The following RAB18 variants were observed in gnomAD, a reference collection of about 807,000 sequenced individuals.
RAB18 encodes the protein RAB18, member RAS oncogene family.
Under a neutral mutation model 28.5 loss-of-function variants are expected in RAB18, and 10 were observed. That is an observed-to-expected ratio of 0.35 (90% CI 0.22 to 0.60). RAB18 has a LOEUF of 0.60. RAB18 is among the 20% of genes least tolerant of loss of function. RAB18 has a pLI of 0.78. For synonymous variants in RAB18, 93 were observed against 86.9 expected, an observed-to-expected ratio of 1.07 and a Z score of -0.39; for missense variants, 188 against 244.2, an observed-to-expected ratio of 0.77 and a Z score of 1.53.
At chr10:27,512,810 A>G (rs1325300946) in intron 2 of RAB18, among the ~76,000 whole-genome samples, 2 of 151,928 alleles carry the variant, frequency 1.3e-5, no homozygotes, top group African/African-American at 4.8e-5. Flanking sequence ...ACCCAAATGG[A>G]ATTTGGGGAC....
At chr10:27,506,468 G>A (rs1024077939) in intron 1 of RAB18, among the ~76,000 whole-genome samples, 2 of 152,136 alleles carry the variant, frequency 1.3e-5, no homozygotes, top group Non-Finnish European at 2.9e-5. Flanking sequence ...CTATAGGCAC[G>A]AGTCACCATG....
intron 1 of RAB18, 132 bp from the exon 2 acceptor site, chr10:27,509,743 A>G: frequency 1.3e-6 from 1 of 750,116 alleles, no homozygotes; most frequent in Non-Finnish European, 2.3e-6. Flanking sequence ...CTGAGGCAGT[A>G]TTCCTAGGAA....
intron 2 of RAB18, chr10:27,514,236 A>G (rs893389922): frequency 6.6e-6 from 1 of 152,256 alleles, no homozygotes; most frequent in Non-Finnish European, 1.5e-5. Flanking sequence ...GAAGAAAGAA[A>G]CAGAAAAACA....
At chr10:27,517,878 C>T (rs1368021124) in intron 2 of RAB18, among the ~76,000 whole-genome samples, 1 of 152,176 alleles carries the variant, frequency 6.6e-6, no homozygotes, top group Non-Finnish European at 1.5e-5. Context: ...TGCCTCTAAC[C>T]TCAGCAGCCA....
At position 27,539,667 on chromosome 10, in the gene RAB18, T is replaced by C. The variant is rs1834981465; in HGVS notation, c.*1616T>C. On this transcript the variant is annotated 3_prime_UTR_variant, in exon 7 of 7. Coordinates refer to ENST00000356940, the MANE Select transcript of RAB18 (RefSeq NM_021252.5). ...TATTGACAAGACTGTTGTTTTTTGCTCCTTGAGCTATATAATAATCTGTGT... is the reference window on the plus strand; with the variant it reads ...TATTGACAAGACTGTTGTTTTTTGCCCCTTGAGCTATATAATAATCTGTGT... 4.4e-6 allele frequency: 2 copies of C among 453,452 alleles called. No individual in the cohort carries two copies. Among genetic ancestry groups the C allele is most frequent in the African/African-American group, 2.0e-5 (1 of 49,978 alleles). The allele number at this position is 453,452 out of a possible 1,614,324, so 28.1% of individuals were successfully genotyped here. A position where few individuals can be genotyped will look rare whatever the true frequency, so the allele number is the denominator to read the frequency against.
chr10:27,531,632 G>T (rs1428082884), intron 3 of RAB18: 1 of 773,354 alleles, frequency 1.3e-6, no homozygotes, highest in Non-Finnish European at 2.3e-6. Context: ...AAATAGGCCT[G>T]CTGTGTTTCA....
chr10:27,507,942 C>G (rs1055393590), intron 1 of RAB18, among the ~76,000 whole-genome samples: 1 of 150,274 alleles, frequency 6.7e-6, no homozygotes, highest in Non-Finnish European at 1.5e-5. Flanking sequence ...ACTTGGGGGG[C>G]TAAGGTGGGA....
In RAB18 at chr10:27,540,873, C is replaced by G. The variant is rs1045916473; in HGVS notation, c.*2822C>G. 1 of 453,944 alleles carries G rather than the reference C, an allele frequency of 2.2e-6. No homozygotes were observed. Among genetic ancestry groups the G allele is most frequent in the Non-Finnish European group, 4.4e-6 (1 of 226,786 alleles). 28.1% of individuals were successfully genotyped at this position (453,944 alleles called of 1,614,324 possible). A position where few individuals can be genotyped will look rare whatever the true frequency, so the allele number is the denominator to read the frequency against. ...CATGGTCAAGAGACATGATTCTCTACTAAGGGTGGGGCTAGCACCATAGCT... is the reference window on the plus strand; with the variant it reads ...CATGGTCAAGAGACATGATTCTCTAGTAAGGGTGGGGCTAGCACCATAGCT... On this transcript the variant is annotated 3_prime_UTR_variant, in exon 7 of 7. Coordinates refer to ENST00000356940, the MANE Select transcript of RAB18 (RefSeq NM_021252.5).
intron 3 of RAB18, 97 bp from the exon 4 acceptor site, chr10:27,532,410 C>A: frequency 1.1e-6 from 1 of 881,074 alleles, no homozygotes; most frequent in Non-Finnish European, 1.8e-6. Flanking sequence ...TGCATTAATA[C>A]TATTTTTAGT....
chr10:27,530,183 A>T (rs896926667), intron 3 of RAB18, among the ~76,000 whole-genome samples: 7 of 152,012 alleles, frequency 4.6e-5, no homozygotes, highest in Non-Finnish European at 8.8e-5. Flanking sequence ...CAAATAGAAT[A>T]AACTTTCTTC....
At chr10:27,530,528 T>G (rs1408011629) in intron 3 of RAB18, among the ~76,000 whole-genome samples, 1 of 151,854 alleles carries the variant, frequency 6.6e-6, no homozygotes, top group Non-Finnish European at 1.5e-5. Flanking sequence ...ACTGAATAAT[T>G]TGAATATTAC....
chr10:27,532,550 A>G lies in RAB18; in HGVS notation c.230A>G (p.Tyr77Cys), dbSNP rs763362656. 3 of 1,604,326 alleles carry G rather than the reference A, an allele frequency of 1.9e-6. No homozygotes were observed. The highest frequency in any genetic ancestry group is 1.1e-5 in the South Asian group (1 of 90,798). ...QERFRTLTPS[Y>C]YRGAQGVILV... ...AGGTTTAGAACATTAACTCCCAGCT[A>G]TTATAGAGGTGCACAGGGTGTTATA... The change falls in exon 4 of 7, where the codon TAT becomes TGT. Residue 77 changes from tyrosine (Y) to cysteine (C), a missense_variant. Physicochemically the swap from Tyr to Cys is radical, Grantham distance 194. Coordinates refer to ENST00000356940, the MANE Select transcript of RAB18 (RefSeq NM_021252.5).
At chr10:27,512,554 C>G (rs1048320106) in intron 2 of RAB18, among the ~76,000 whole-genome samples, 1 of 152,130 alleles carries the variant, frequency 6.6e-6, no homozygotes, top group Non-Finnish European at 1.5e-5. Context: ...ATCCACCCAC[C>G]TTGGGCCTCC....
At chr10:27,519,135 G>A (rs1369371590) in intron 2 of RAB18, among the ~76,000 whole-genome samples, 1 of 151,004 alleles carries the variant, frequency 6.6e-6, no homozygotes, top group Non-Finnish European at 1.5e-5. Flanking sequence ...CATAGGAAAA[G>A]TTGGTTTAAC....
At chr10:27,506,226 T>G in intron 1 of RAB18, among the ~76,000 whole-genome samples, 1 of 152,208 alleles carries the variant, frequency 6.6e-6, no homozygotes, top group Non-Finnish European at 1.5e-5. Context: ...CATGGTTGGT[T>G]AGCACTTTTT....
chr10:27,508,738 A>G (rs1834259567), intron 1 of RAB18, among the ~76,000 whole-genome samples: 2 of 152,212 alleles, frequency 1.3e-5, no homozygotes, highest in Admixed American at 1.3e-4. Context: ...ATATTTAATG[A>G]CACTGGGTTT....
chr10:27,515,454 A>G (rs1230515593), intron 2 of RAB18, among the ~76,000 whole-genome samples: 2 of 152,204 alleles, frequency 1.3e-5, no homozygotes, highest in African/African-American at 4.8e-5. Context: ...AATCTATTTT[A>G]AGACTTATAA....
chr10:27,532,173 T>G (rs1834801730), intron 3 of RAB18, among the ~76,000 whole-genome samples: 1 of 151,946 alleles, frequency 6.6e-6, no homozygotes, highest in South Asian at 2.1e-4. Flanking sequence ...TAAGCAGAAA[T>G]TTTTTGGAAG....
chr10:27,539,784 G>A lies in RAB18; in HGVS notation c.*1733G>A, dbSNP rs763555768. 8.8e-6 allele frequency: 4 copies of A among 452,378 alleles called. No individual in the cohort carries two copies. In the East Asian group the frequency reaches 2.8e-4, roughly 31 times the overall value. 28.0% of individuals were successfully genotyped at this position (452,378 alleles called of 1,614,324 possible). A position where few individuals can be genotyped will look rare whatever the true frequency, so the allele number is the denominator to read the frequency against. On this transcript the variant is annotated 3_prime_UTR_variant, in exon 7 of 7. Transcript: ENST00000356940. ...GAATTTTGTTTGATAGATTTATATT[G>A]TAACCTTTTTCTAGTTCTTGAATAA...
Sources: allele counts gnomAD v4.1 joint callset (sites outside exome capture counted in the v4.1 genomes callset), GRCh38; gene constraint gnomAD v4.1.1; transcripts MANE v1.5; gene names NCBI Gene and HGNC (gene_info 2026-07-23, HGNC 2026-07-21).